The following MSH3 variants were observed in gnomAD, a reference collection of about 807,000 sequenced individuals.
MSH3 encodes mutS homolog 3.
In MSH3, 106 loss-of-function variants were observed where a neutral mutation model predicts 123.3. That is an observed-to-expected ratio of 0.86 (90% CI 0.73 to 1.01). The LOEUF is 1.01. Among genes scored for constraint, MSH3 ranks in the 50% least tolerant of loss-of-function variants. The pLI, the probability that MSH3 is intolerant of heterozygous loss-of-function variation, is 0.00. For synonymous variants in MSH3, 515 were observed against 481.4 expected (o/e 1.07, Z -0.91); for missense variants, 1,459 against 1,347.6 (o/e 1.08, Z -1.29).
intron 20 of MSH3, among the ~76,000 whole-genome samples, chr5:80,831,869 G>C (rs973099829): frequency 6.6e-5 from 10 of 152,124 alleles, no homozygotes; most frequent in African/African-American, 1.9e-4. Context: ...AGCACTTTGG[G>C]AGGCCGAGGC....
At chr5:80,729,946 A>G (rs942918430) in intron 10 of MSH3, among the ~76,000 whole-genome samples, 8 of 152,152 alleles carry the variant, frequency 5.3e-5, no homozygotes, top group Non-Finnish European at 8.8e-5. Context: ...GCAAAATGAC[A>G]GAATAGAAAT....
At chr5:80,686,354 G>T (rs1750091438) in intron 8 of MSH3, among the ~76,000 whole-genome samples, 1 of 150,954 alleles carries the variant, frequency 6.6e-6, no homozygotes, top group African/African-American at 2.4e-5. Context: ...CCAGGGGGCA[G>T]TGCAGTGGCA....
intron 8 of MSH3, among the ~76,000 whole-genome samples, chr5:80,713,129 T>A (rs1750890167): frequency 6.6e-6 from 1 of 152,192 alleles, no homozygotes; most frequent in South Asian, 2.1e-4. Context: ...TCGGTATAGA[T>A]CATGCAATTG....
rs1224777543 is a variant in MSH3, at chr5:80,813,574, T to C, written c.2656-10T>C. On this transcript the variant is annotated splice_polypyrimidine_tract_variant and intron_variant, in intron 19 of 23. Transcript: ENST00000265081. ...TGGTACAATAAGTGAAATTCCTTTC[T>C]AATTTTCAGGAGGACTCAGAGAGAG... is the stretch of plus-strand genomic sequence containing the variant. 6.2e-7 allele frequency: 1 copy of C among 1,614,086 alleles called. No individual in the cohort carries two copies.
intron 20 of MSH3, among the ~76,000 whole-genome samples, chr5:80,827,346 T>C (rs1265789193): frequency 1.3e-5 from 2 of 152,232 alleles, no homozygotes; most frequent in Non-Finnish European, 2.9e-5. Context: ...GGGAATTCTG[T>C]GTACTCAGAG....
At chr5:80,733,282 G>C (rs1357086549) in intron 10 of MSH3, among the ~76,000 whole-genome samples, 3 of 152,126 alleles carry the variant, frequency 2.0e-5, no homozygotes, top group Non-Finnish European at 2.9e-5. Context: ...CTGTGCAAGA[G>C]AATGAAGTTG....
chr5:80,711,785 G>T (rs1298853618), intron 8 of MSH3, among the ~76,000 whole-genome samples: 1 of 151,828 alleles, frequency 6.6e-6, no homozygotes, highest in Non-Finnish European at 1.5e-5. Flanking sequence ...CCCCTGAGTG[G>T]CTGGGACTAC....
In MSH3 at chr5:80,695,635, A is replaced by C. The variant is rs528520541; in HGVS notation, c.1340+16542A>C. 4.6e-5 allele frequency among the ~76,000 whole-genome samples: 7 copies of C among 151,944 alleles called. No homozygotes were observed. In the East Asian group the frequency reaches 1.4e-3, roughly 29 times the overall value. On this transcript the variant is annotated intron_variant, in intron 8 of 23. Transcript: ENST00000265081. ...AGGTGTGAGCCACTGTGTCCGGCCC[A>C]TTTTTTTGTTTATGCCTTCTATTAC...
intron 7 of MSH3, among the ~76,000 whole-genome samples, chr5:80,676,906 G>A (rs543551072): frequency 1.3e-5 from 2 of 152,306 alleles, no homozygotes; most frequent in East Asian, 3.9e-4. Flanking sequence ...AGTTAACCAT[G>A]TGTGCGAACT....
At chr5:80,681,344 T>C (rs1749964060) in intron 8 of MSH3, among the ~76,000 whole-genome samples, 1 of 152,132 alleles carries the variant, frequency 6.6e-6, no homozygotes, top group Non-Finnish European at 1.5e-5. Flanking sequence ...CAATATTTCC[T>C]ATCATTTCCT....
intron 8 of MSH3, among the ~76,000 whole-genome samples, chr5:80,721,908 TTC>T (rs774578933): frequency 6.6e-6 from 1 of 152,202 alleles, no homozygotes; most frequent in Non-Finnish European, 1.5e-5. Context: ...CCATTTGTGT[TTC>T]TGTGTTTTCT....
intron 19 of MSH3, among the ~76,000 whole-genome samples, chr5:80,801,639 T>C (rs1744792869): frequency 6.6e-6 from 1 of 152,186 alleles, no homozygotes; most frequent in African/African-American, 2.4e-5. Flanking sequence ...TGCACCACTT[T>C]TCCCAGGTAC....
At chr5:80,773,893 G>A (rs996915642) in intron 15 of MSH3, among the ~76,000 whole-genome samples, 1 of 151,936 alleles carries the variant, frequency 6.6e-6, no homozygotes, top group Non-Finnish European at 1.5e-5. Context: ...TCAGCTTCCC[G>A]AGTAGCTGGG....
At chr5:80,679,736 T>G (rs1450569519) in intron 8 of MSH3, among the ~76,000 whole-genome samples, 1 of 152,184 alleles carries the variant, frequency 6.6e-6, no homozygotes, top group East Asian at 1.9e-4. Context: ...CAACCTCACA[T>G]GAGAGTCAGA....
At chr5:80,780,939 A>T (rs1744399730) in intron 17 of MSH3, among the ~76,000 whole-genome samples, 2 of 152,188 alleles carry the variant, frequency 1.3e-5, no homozygotes, top group Non-Finnish European at 2.9e-5. Context: ...ATTTCAAGTA[A>T]TCAACCCGAC....
chr5:80,864,740 A>C, intron 21 of MSH3, 73 bp from the exon 22 acceptor site: 1 of 1,398,302 alleles, frequency 7.2e-7, no homozygotes. Flanking sequence ...TTTTCAAAAG[A>C]AAGTGGAAGA....
chr5:80,655,820 G>A (rs1024897469), intron 1 of MSH3, among the ~76,000 whole-genome samples: 1 of 151,882 alleles, frequency 6.6e-6, no homozygotes, highest in Non-Finnish European at 1.5e-5. Flanking sequence ...TTTTGAGGAC[G>A]AGCTACGTTT....
chr5:80,670,065 T>G, intron 3 of MSH3, 32 bp from the exon 4 acceptor site: 6 of 1,600,866 alleles, frequency 3.7e-6, no homozygotes, highest in Non-Finnish European at 5.1e-6. Context: ...TGGTTAATAT[T>G]TTTAAAACTT....
At chr5:80,668,938 T>A (rs2112811377) in intron 3 of MSH3, among the ~76,000 whole-genome samples, 1 of 152,324 alleles carries the variant, frequency 6.6e-6, no homozygotes, top group East Asian at 1.9e-4. Context: ...GTCGGTTCTG[T>A]GGAGCATGCA....
Sources: gnomAD v4.1 joint callset for allele counts (sites outside exome capture counted in the v4.1 genomes callset) on GRCh38, gnomAD v4.1.1 for gene constraint, MANE v1.5 for transcripts, NCBI Gene and HGNC (gene_info 2026-07-23, HGNC 2026-07-21) for gene names.